OXNAD1: variants seen among roughly 807,000 people sequenced by gnomAD.
OXNAD1 encodes the protein oxidoreductase NAD-binding domain-containing protein 1.
Under a neutral mutation model 32.9 loss-of-function variants are expected in OXNAD1, and 34 were observed. The ratio of observed to expected loss-of-function variants is 1.03; its 90% confidence interval spans 0.79 to 1.38. The LOEUF (loss-of-function observed/expected upper bound fraction) is 1.38, where lower values mean the gene tolerates loss of function less well. OXNAD1 is among the 40% of genes most tolerant of loss of function. The probability of loss-of-function intolerance (pLI) is 0.00; values close to 1 mark genes in which losing one functional copy is unlikely to be tolerated. For missense variants in OXNAD1, 407 were observed against 379.4 expected, an observed-to-expected ratio of 1.07 and a Z score of -0.60; for synonymous variants, 134 against 135.2, an observed-to-expected ratio of 0.99 and a Z score of 0.06.
chr3:16,327,435 T>G lies in OXNAD1; in HGVS notation c.*31-9677T>G, dbSNP rs563867019. Among the ~76,000 whole-genome samples, 3 of 152,236 alleles carry G rather than the reference T, an allele frequency of 2.0e-5. No individual in the cohort carries two copies. The highest frequency in any genetic ancestry group is 7.2e-5 in the African/African-American group (3 of 41,540). ...GCCATGTTTTATTTCAAATTAGGAT[T>G]TGGGGAACTAACATTTGTCTTTCAG... is the stretch of plus-strand genomic sequence containing the variant. On this transcript the variant is annotated intron_variant, in intron 9 of 9. Transcript: ENST00000435829. The surrounding 1 kb of genome is among the most constrained non-coding windows in gnomAD (Gnocchi z 4.2).
At chr3:16,272,875 A>C (rs1472661859) in intron 4 of OXNAD1, among the ~76,000 whole-genome samples, 1 of 152,088 alleles carries the variant, frequency 6.6e-6, no homozygotes, top group African/African-American at 2.4e-5. Context: ...TTTATCTTAC[A>C]GGCTCTTTCC....
At chr3:16,270,886 T>G (rs2064876697) in intron 2 of OXNAD1, 59 bp from the exon 3 acceptor site, 1 of 1,606,834 alleles carries the variant, frequency 6.2e-7, no homozygotes, top group South Asian at 1.1e-5. Context: ...TCTAAAATAG[T>G]CTGATATTTC....
In OXNAD1 at chr3:16,268,313, C is replaced by CTTTTTTTTTTTTTTTTT. The variant is rs531751365; in HGVS notation, c.-158-796_-158-780dup. Among the ~76,000 whole-genome samples the CTTTTTTTTTTTTTTTTT allele has an allele frequency of 8.2e-5, 5 of 61,004 alleles. 1 individual carries two copies. The highest frequency in any genetic ancestry group is 5.4e-4 in the Admixed American group (2 of 3,676). The allele number at this position is 61,004 out of a possible 152,430, so 40.0% of individuals were successfully genotyped here. A position where few individuals can be genotyped will look rare whatever the true frequency, so the allele number is the denominator to read the frequency against. On this transcript the variant is annotated intron_variant, in intron 1 of 8. Coordinates refer to ENST00000285083, the MANE Select transcript of OXNAD1 (RefSeq NM_138381.5). ...AATCTTAGGATTTTAAAGAGAACTCCTTTTTTTTTTTTTTTTTTTTTTTTT... is the reference window on the plus strand; with the variant it reads ...AATCTTAGGATTTTAAAGAGAACTCCTTTTTTTTTTTTTTTTTTTTTTTTTTTTTTTTTTTTTTTTTT...
chr3:16,268,313 CTTTTTTTTTTTTT>C (rs531751365), intron 1 of OXNAD1, among the ~76,000 whole-genome samples: 20 of 61,002 alleles, frequency 3.3e-4, no homozygotes, highest in East Asian at 2.0e-3. Flanking sequence ...AAGAGAACTC[CTTTTTTTTTTTTT>C]TTTTTTTTTT....
At chr3:16,337,961 C>T (rs2071021538), downstream of OXNAD1, among the ~76,000 whole-genome samples, 1 of 152,154 alleles carries the variant, frequency 6.6e-6, no homozygotes, top group Non-Finnish European at 1.5e-5. This position sits in a 1 kb window ranked among gnomAD's most constrained non-coding sequence, Gnocchi z 5.0. Flanking sequence ...GCAGTGCCAC[C>T]AGCTTGCCCT....
intron 5 of OXNAD1, among the ~76,000 whole-genome samples, chr3:16,291,706 G>T (rs1047011636): frequency 6.6e-6 from 1 of 152,166 alleles, no homozygotes; most frequent in African/African-American, 2.4e-5. Context: ...GAACATTCAT[G>T]TACAAGTTTT....
chr3:16,277,296 T>G lies in OXNAD1; in HGVS notation c.183+5574T>G, dbSNP rs998344144. ...AGAACTGCGAAGAGTTGGGAGGAAC[T>G]GGAGAAAGCTAGATGGTATCTGGCT... is the stretch of plus-strand genomic sequence containing the variant. On this transcript the variant is annotated intron_variant, in intron 4 of 8. Transcript: ENST00000285083. The surrounding 1 kb of genome is among the most constrained non-coding windows in gnomAD (Gnocchi z 4.3). Among the ~76,000 whole-genome samples, 1 of 152,148 alleles carries G rather than the reference T, an allele frequency of 6.6e-6. No homozygotes were observed. The highest frequency in any genetic ancestry group is 1.5e-5 in the Non-Finnish European group (1 of 68,008).
intron 9 of OXNAD1, among the ~76,000 whole-genome samples, chr3:16,328,819 G>A (rs564283981): frequency 1.3e-5 from 2 of 152,336 alleles, no homozygotes; most frequent in African/African-American, 4.8e-5. Context: ...CCTGGCAAAA[G>A]AAAAGTCTGT....
At position 16,345,937 on chromosome 3, in the gene OXNAD1, A is replaced by G. The variant is rs2071688657; in HGVS notation, c.*31-3239A>G. 1 of 152,244 alleles carries G rather than the reference A, an allele frequency of 6.6e-6. No individual in the cohort carries two copies. The highest frequency in any genetic ancestry group is 2.4e-5 in the African/African-American group (1 of 41,534). The allele number at this position is 152,244 out of a possible 1,614,324, so 9.4% of individuals were successfully genotyped here. On this transcript the variant is annotated intron_variant, in intron 9 of 9. Coordinates refer to the OXNAD1 transcript ENST00000606098. The surrounding 1 kb of genome is among the most constrained non-coding windows in gnomAD (Gnocchi z 5.2). ...CTTGTTGTTCTGTGGCATACACTGA[A>G]TATTTTAAACCGCATTTGTCACAGG...
chr3:16,278,437 T>G (rs994366309), intron 4 of OXNAD1, among the ~76,000 whole-genome samples: 2 of 152,206 alleles, frequency 1.3e-5, no homozygotes, highest in Admixed American at 6.5e-5. Flanking sequence ...TTAATTTCTA[T>G]TTCACAGATG....
intron 4 of OXNAD1, among the ~76,000 whole-genome samples, chr3:16,276,980 A>C (rs925050221): frequency 1.5e-4 from 23 of 149,824 alleles, no homozygotes; most frequent in African/African-American, 5.7e-4. Context: ...CTAAAAGCGC[A>C]ATGGTGCGAT....
In OXNAD1 at chr3:16,274,222, A is replaced by G. The variant is rs1156407075; in HGVS notation, c.183+2500A>G. Among the ~76,000 whole-genome samples, 3 of 151,888 alleles carry G rather than the reference A, an allele frequency of 2.0e-5. No homozygotes were observed. The East Asian group carries it at 5.8e-4, about 29-fold the overall frequency. On this transcript the variant is annotated intron_variant, in intron 4 of 8. Coordinates refer to ENST00000285083, the MANE Select transcript of OXNAD1 (RefSeq NM_138381.5). The stretch of plus-strand genomic sequence containing the variant: ...ACTATGATTTCTAAAATATACTTAA[A>G]TATATTTAAAATTAACCTCATTAAA...
intron 6 of OXNAD1, among the ~76,000 whole-genome samples, chr3:16,296,759 A>C (rs1471329995): frequency 6.6e-6 from 1 of 152,216 alleles, no homozygotes; most frequent in Non-Finnish European, 1.5e-5. Context: ...GTTCTGGAAC[A>C]ATTTTGCATC....
chr3:16,273,321 C>T (rs929346820), intron 4 of OXNAD1, among the ~76,000 whole-genome samples: 2 of 151,414 alleles, frequency 1.3e-5, no homozygotes, highest in Non-Finnish European at 2.9e-5. Context: ...AAAACTATGC[C>T]GTAAGATACA....
Position 16,303,482 on chromosome 3 carries a change from C to A in OXNAD1, c.859C>A (p.Pro287Thr). The A allele has an allele frequency of 6.2e-7, 1 of 1,614,052 alleles. No individual in the cohort carries two copies. ...ETLFYICGPP[P>T]MTDFFSKQLE... ...TTTGTTCTATATTTGTGGCCCACCT[C>A]CAATGACAGACTTTTTCTCCAAGCA... The change falls in exon 9 of 9, where the codon CCA becomes ACA. Residue 287 changes from proline to threonine, a missense_variant. Coordinates refer to ENST00000285083, the MANE Select transcript of OXNAD1 (RefSeq NM_138381.5). The surrounding 1 kb of genome is among the most constrained non-coding windows in gnomAD (Gnocchi z 4.8).
intron 6 of OXNAD1, among the ~76,000 whole-genome samples, chr3:16,296,776 C>A (rs544578009): frequency 6.6e-6 from 1 of 151,798 alleles, no homozygotes; most frequent in Non-Finnish European, 1.5e-5. Flanking sequence ...CATCTAGATG[C>A]AAAAAACAAA....
In OXNAD1 at chr3:16,303,599, TCTA is replaced by T; in HGVS notation, c.*40_*42del. 6.3e-7 allele frequency: 1 copy of T among 1,598,192 alleles called. No individual in the cohort carries two copies. The highest frequency in any genetic ancestry group is 1.1e-5 in the South Asian group (1 of 90,072). Reference sequence around the variant, plus strand: ...AGGCAGAAAAAATAAAGAGGTGAGATCTACTCAGGAGAGCTCCTGTCCTTTGTG... The same window carrying T: ...AGGCAGAAAAAATAAAGAGGTGAGATCTCAGGAGAGCTCCTGTCCTTTGTG... On this transcript the variant is annotated 3_prime_UTR_variant, in exon 9 of 9. Transcript: ENST00000285083. The surrounding 1 kb of genome is among the most constrained non-coding windows in gnomAD (Gnocchi z 4.8).
downstream of OXNAD1, among the ~76,000 whole-genome samples, chr3:16,308,326 T>TAGCAGAGTGGGAAAGGCTGCACCC (rs2067713779): frequency 6.6e-6 from 1 of 152,056 alleles, no homozygotes; most frequent in Admixed American, 6.6e-5. The surrounding 1 kb of genome is among the most constrained non-coding windows in gnomAD (Gnocchi z 4.4). Context: ...GGCCCAGGGG[T>TAGCAGAGTGGGAAAGGCTGCACCC]AGCAGAGTGG....
chr3:16,327,183 G>A lies in OXNAD1; in HGVS notation c.*31-9929G>A, dbSNP rs973356131. ...ATAGCCTCCTGTGAGTTTCACTGAC[G>A]AAGCATAACTGTCTCACCTCTGAGC... On this transcript the variant is annotated intron_variant, in intron 9 of 9. Transcript: ENST00000435829. This position sits in a 1 kb window ranked among gnomAD's most constrained non-coding sequence, Gnocchi z 4.2. Among the ~76,000 whole-genome samples, 14 of 152,178 alleles carry A rather than the reference G, an allele frequency of 9.2e-5. No homozygotes were observed. Among genetic ancestry groups the A allele is most frequent in the African/African-American group, 3.1e-4 (13 of 41,444 alleles).
Sources: allele counts gnomAD v4.1 joint callset (sites outside exome capture counted in the v4.1 genomes callset), GRCh38; gene constraint gnomAD v4.1.1; non-coding constraint Gnocchi (gnomAD v3.1); transcripts MANE v1.5; gene names NCBI Gene and HGNC (gene_info 2026-07-23, HGNC 2026-07-21).